CNTN4: variants seen among roughly 807,000 people sequenced by gnomAD.
CNTN4 encodes the protein contactin 4.
Under a neutral mutation model 122.5 loss-of-function variants are expected in CNTN4, and 77 were observed. The ratio of observed to expected loss-of-function variants is 0.63; its 90% CI spans 0.52 to 0.76. CNTN4 has a LOEUF of 0.76. Ranked by LOEUF, CNTN4 falls within the 30% of genes least tolerant of loss-of-function variation. CNTN4 has a pLI of 0.00. For synonymous variants in CNTN4, 512 were observed against 447.0 expected (o/e 1.15, Z -1.83); for missense variants, 1,256 against 1,259.1 (o/e 1.00, Z 0.04).
intron 2 of CNTN4, among the ~76,000 whole-genome samples, chr3:2,184,929 A>C (rs563587758): frequency 6.6e-6 from 1 of 152,324 alleles, no homozygotes. Flanking sequence ...CAGGTCCTCA[A>C]AATCTTTGTG....
At chr3:2,713,892 A>G (rs1190304087) in intron 4 of CNTN4, among the ~76,000 whole-genome samples, 1 of 152,228 alleles carries the variant, frequency 6.6e-6, no homozygotes, top group Non-Finnish European at 1.5e-5. Context: ...AAGTGTTCAC[A>G]AAGTCTCAGA....
chr3:2,141,954 G>C (rs1312385431), intron 2 of CNTN4, among the ~76,000 whole-genome samples: 1 of 152,166 alleles, frequency 6.6e-6, no homozygotes, highest in African/African-American at 2.4e-5. Flanking sequence ...GAAACTGAGG[G>C]TGGTTCTATA....
chr3:2,672,097 G>C (rs1194266328), intron 4 of CNTN4, among the ~76,000 whole-genome samples: 2 of 152,216 alleles, frequency 1.3e-5, no homozygotes, highest in Non-Finnish European at 2.9e-5. Flanking sequence ...TCTGTTCTCA[G>C]ATCTCAAGCT....
At chr3:2,748,562 A>G (rs2089921837) in intron 6 of CNTN4, among the ~76,000 whole-genome samples, 1 of 152,212 alleles carries the variant, frequency 6.6e-6, no homozygotes. Flanking sequence ...CTAAAATGAA[A>G]TTAAACCTTT....
At chr3:2,857,911 C>T (rs751074153) in intron 7 of CNTN4, among the ~76,000 whole-genome samples, 8 of 152,200 alleles carry the variant, frequency 5.3e-5, no homozygotes, top group South Asian at 4.1e-4. Flanking sequence ...TATTTGTTTT[C>T]TTCAGCACCA....
At chr3:2,863,427 G>A (rs1168770546) in intron 7 of CNTN4, among the ~76,000 whole-genome samples, 2 of 129,706 alleles carry the variant, frequency 1.5e-5, no homozygotes, top group African/African-American at 5.9e-5. Context: ...GGCTCTTCTT[G>A]GCATCTATGG....
intron 2 of CNTN4, among the ~76,000 whole-genome samples, chr3:2,322,938 A>G (rs954346131): frequency 7.9e-5 from 12 of 152,224 alleles, no homozygotes; most frequent in African/African-American, 2.4e-4. Flanking sequence ...TGGATTTCAC[A>G]TTGATGGAAT....
chr3:2,308,257 C>G (rs1400862607), intron 2 of CNTN4, among the ~76,000 whole-genome samples: 2 of 151,732 alleles, frequency 1.3e-5, no homozygotes, highest in African/African-American at 4.8e-5. Flanking sequence ...TGTTATCCCC[C>G]CTTTTATTCT....
At chr3:2,796,697 T>A (rs878914373) in intron 6 of CNTN4, among the ~76,000 whole-genome samples, 3 of 152,194 alleles carry the variant, frequency 2.0e-5, no homozygotes, top group Admixed American at 2.0e-4. Context: ...TCGGAAGAAA[T>A]GTTAATTGCT....
intron 7 of CNTN4, among the ~76,000 whole-genome samples, chr3:2,863,593 AT>A (rs2093692793): frequency 6.6e-6 from 1 of 151,962 alleles, no homozygotes; most frequent in Non-Finnish European, 1.5e-5. Flanking sequence ...AACTGAAGTA[AT>A]ACAGTTAATA....
At chr3:2,770,821 G>A (rs1174073960) in intron 6 of CNTN4, among the ~76,000 whole-genome samples, 1 of 152,216 alleles carries the variant, frequency 6.6e-6, no homozygotes. Flanking sequence ...GTTACCATTT[G>A]AGGCATAGCT....
At chr3:2,559,754 G>T (rs1317746512) in intron 3 of CNTN4, among the ~76,000 whole-genome samples, 3 of 152,144 alleles carry the variant, frequency 2.0e-5, no homozygotes, top group Non-Finnish European at 4.4e-5. Flanking sequence ...GTCAAATGGG[G>T]TGGAAATATC....
At chr3:2,309,681 A>G (rs1252411083) in intron 2 of CNTN4, among the ~76,000 whole-genome samples, 5 of 152,152 alleles carry the variant, frequency 3.3e-5, no homozygotes, top group African/African-American at 9.7e-5. Flanking sequence ...ATATGAGTGG[A>G]AATCAGAATT....
intron 3 of CNTN4, among the ~76,000 whole-genome samples, chr3:2,453,116 A>G (rs115465404): frequency 0.016 from 2,376 of 152,246 alleles, 23 homozygotes; most frequent in Non-Finnish European, 0.022. Flanking sequence ...GTAATGATAA[A>G]TGACAGTGAC....
At chr3:2,207,608 A>G (rs1344415669) in intron 2 of CNTN4, among the ~76,000 whole-genome samples, 1 of 152,132 alleles carries the variant, frequency 6.6e-6, no homozygotes, top group East Asian at 1.9e-4. Flanking sequence ...TAGAGAGGTA[A>G]GGAAACTGCA....
chr3:2,920,402 C>T (rs1386212520), intron 12 of CNTN4, among the ~76,000 whole-genome samples: 1 of 150,988 alleles, frequency 6.6e-6, no homozygotes, highest in African/African-American at 2.4e-5. Flanking sequence ...TGCTTTTGCC[C>T]AGTCTACATG....
intron 2 of CNTN4, among the ~76,000 whole-genome samples, chr3:2,219,646 A>G (rs1262215885): frequency 6.6e-6 from 1 of 152,198 alleles, no homozygotes; most frequent in Non-Finnish European, 1.5e-5. Flanking sequence ...ACAATAAAAT[A>G]TAATAAAATA....
chr3:2,767,253 A>G (rs548183099), intron 6 of CNTN4, among the ~76,000 whole-genome samples: 113 of 152,286 alleles, frequency 7.4e-4, no homozygotes, highest in African/African-American at 2.7e-3. Context: ...TCCTTTTGGA[A>G]GTGATATTGA....
rs2037284419 is a variant in CNTN4, at chr3:2,186,686, GA to G, written c.-145+86048del. ...TTGCATTTCTCTGATGGTCAGTGAT[GA>G]TGAGCATTTTTTCATGTGTCTGTTG... On this transcript the variant is annotated intron_variant, in intron 2 of 24. Transcript: ENST00000418658. Among the ~76,000 whole-genome samples, 4 of 152,220 alleles carry G rather than the reference GA, an allele frequency of 2.6e-5. No homozygotes were observed. In the South Asian group the frequency reaches 8.3e-4, roughly 32 times the overall value.
Sources: allele counts gnomAD v4.1 joint callset (sites outside exome capture counted in the v4.1 genomes callset), GRCh38; gene constraint gnomAD v4.1.1; transcripts MANE v1.5; gene names NCBI Gene and HGNC (gene_info 2026-07-23, HGNC 2026-07-21).